The following NUP88 variants were observed in gnomAD, a reference collection of about 807,000 sequenced individuals.
NUP88 encodes the protein nuclear pore complex protein Nup88.
In NUP88, 57 loss-of-function variants were observed where a neutral mutation model predicts 93.9. The ratio of observed to expected loss-of-function variants is 0.61; its 90% CI spans 0.49 to 0.76. The LOEUF (loss-of-function observed/expected upper bound fraction) is 0.76. Among genes scored for constraint, NUP88 ranks in the 30% least tolerant of loss-of-function variants. The pLI is 0.00. For missense variants in NUP88, 911 were observed against 901.0 expected, an observed-to-expected ratio of 1.01 and a Z score of -0.14; for synonymous variants, 346 against 336.8, an observed-to-expected ratio of 1.03 and a Z score of -0.30.
intron 4 of NUP88, 47 bp downstream of exon 4, chr17:5,410,634 GTTAAAATTGCATTTATAATCCC>G: frequency 1.0e-6 from 1 of 965,252 alleles, no homozygotes; most frequent in Non-Finnish European, 1.6e-6. Context: ...CTTGCAACCT[GTTAAAATTGCATTTATAATCCC>G]AATAAGCTAA....
At chr17:5,417,365 C>G (rs12603729) in intron 1 of NUP88, among the ~76,000 whole-genome samples, 66,433 of 152,016 alleles carry the variant, frequency 0.44, 15,288 homozygotes, top group East Asian at 0.84. Flanking sequence ...TACTTCCAGG[C>G]GCTGAGGTGG....
chr17:5,408,695 T>G, intron 5 of NUP88, 38 bp downstream of exon 5: 25 of 1,513,426 alleles, frequency 1.7e-5, no homozygotes, highest in South Asian at 2.5e-5. Flanking sequence ...GAGCCCAAAC[T>G]GAGTTTTCAT....
chr17:5,398,299 GTTTGT>G (rs1188083814), intron 8 of NUP88, among the ~76,000 whole-genome samples: 4 of 144,824 alleles, frequency 2.8e-5, no homozygotes, highest in Non-Finnish European at 4.6e-5. Flanking sequence ...GTTTTTGTTT[GTTTGT>G]TTTGAGACGG....
chr17:5,409,109 C>T (rs548625861), intron 4 of NUP88, among the ~76,000 whole-genome samples, 200 bp from the exon 5 acceptor site: 1 of 152,340 alleles, frequency 6.6e-6, no homozygotes, highest in Non-Finnish European at 1.5e-5. Context: ...TGCAGTGGCT[C>T]ATGCCTGTAA....
At chr17:5,399,242 A>C (rs1375666117) in intron 8 of NUP88, among the ~76,000 whole-genome samples, 1 of 88,762 alleles carries the variant, frequency 1.1e-5, no homozygotes, top group Non-Finnish European at 2.3e-5. Flanking sequence ...TGATTGAGTC[A>C]GTTTTGGTAG....
intron 5 of NUP88, among the ~76,000 whole-genome samples, chr17:5,407,108 A>T (rs981794647): frequency 3.3e-5 from 5 of 152,134 alleles, no homozygotes; most frequent in African/African-American, 7.2e-5. Context: ...GGCAGAGAAC[A>T]TTTCTGCCAA....
intron 3 of NUP88, 55 bp from the exon 4 acceptor site, chr17:5,410,844 A>G: frequency 1.8e-6 from 2 of 1,096,926 alleles, no homozygotes; most frequent in Non-Finnish European, 2.8e-6. Context: ...TCATTTCCCA[A>G]AACTGCACTT....
rs781230715 is a variant in NUP88, at chr17:5,404,222, T to C, written c.1069A>G (p.Ile357Val). The C allele has an allele frequency of 3.8e-5, 61 of 1,613,392 alleles. 1 individual carries two copies. The South Asian group carries it at 6.4e-4, about 17-fold the overall frequency. ...ACATACAGAGAAGGAATGAGGTCAATCCTGGAATCCCAGGACTTTTCTGAC... is the reference window on the plus strand; with the variant it reads ...ACATACAGAGAAGGAATGAGGTCAACCCTGGAATCCCAGGACTTTTCTGAC... ...HTSEKSWDSR[I>V]DLIPSLYVFE... is the part of the protein sequence containing the mutation. The change falls in exon 7 of 17, where the codon ATT becomes GTT. Residue 357 changes from isoleucine (I) to valine (V), a missense_variant. Coordinates refer to ENST00000573584, the MANE Select transcript of NUP88 (RefSeq NM_002532.6).
rs1259893028 is a variant in NUP88 at position 5,413,951 on chromosome 17, CAAACAG to C, written c.593+52_593+57del. The C allele has an allele frequency of 1.9e-6, 3 of 1,587,960 alleles. No homozygotes were observed. In the East Asian group the frequency reaches 6.8e-5, roughly 36 times the overall value. ...CGTTCTATGTTGAGCTGTTAATTGG[CAAACAG>C]AAACAGAGCTTTCCCACTCGCAAGG... On this transcript the variant is annotated intron_variant, in intron 3 of 16. Coordinates refer to ENST00000573584, the MANE Select transcript of NUP88 (RefSeq NM_002532.6).
intron 8 of NUP88, among the ~76,000 whole-genome samples, chr17:5,396,410 TTC>T (rs1351123588): frequency 6.6e-6 from 1 of 152,268 alleles, no homozygotes; most frequent in African/African-American, 2.4e-5. Context: ...TGTAACTGGC[TTC>T]TTTCACTTAG....
chr17:5,419,628 A>C lies in NUP88; in HGVS notation c.23T>G (p.Val8Gly), dbSNP rs1435968719. 2 of 1,593,808 alleles carry C rather than the reference A, an allele frequency of 1.3e-6. No homozygotes were observed. The highest frequency in any genetic ancestry group is 1.7e-4 in the Middle Eastern group (1 of 5,876). ...GGTCTGCCACAGCTCGCCGTCGCCC[A>C]CCGGTCCCTCGGCGGCCGCCATCTT... MAAAEGP[V>G]GDGELWQTWL... Residue 8 changes from valine to glycine, a missense_variant, in exon 1 of 17, where the codon GTG becomes GGG. By Grantham distance (109) the Val-to-Gly change is moderately radical (BLOSUM62 -3). Transcript: ENST00000573584.
rs1160240430 is a variant in NUP88, at chr17:5,386,189, G to A, written c.*17C>T. The A allele has an allele frequency of 6.2e-7, 1 of 1,604,366 alleles. No individual in the cohort carries two copies. Among genetic ancestry groups the A allele is most frequent in the Non-Finnish European group, 8.5e-7 (1 of 1,172,784 alleles). The stretch of plus-strand genomic sequence containing the variant: ...TCAATGGTGTTCAGTTCAGGTGTGA[G>A]TCAGCTCCTGGTGGTGTCAGAAGTT... On this transcript the variant is annotated 3_prime_UTR_variant, in exon 17 of 17. Transcript: ENST00000573584.
chr17:5,416,162 A>T (rs1484069624), intron 2 of NUP88, among the ~76,000 whole-genome samples: 10,443 of 76,138 alleles, frequency 0.14, 618 homozygotes, highest in East Asian at 0.48. Flanking sequence ...AAAAAAAAAA[A>T]AAAAGTATAT....
Position 5,386,270 on chromosome 17 carries a change from CTGTAAAAT to C in NUP88, c.2163-9_2163-2del. 2 of 1,604,878 alleles carry C rather than the reference CTGTAAAAT, an allele frequency of 1.2e-6. No homozygotes were observed. The highest frequency in any genetic ancestry group is 1.7e-6 in the Non-Finnish European group (2 of 1,176,198). On this transcript the variant is annotated splice_acceptor_variant and splice_polypyrimidine_tract_variant and intron_variant, in intron 16 of 16. Transcript: ENST00000573584. LOFTEE classifies it high-confidence loss of function. The stretch of plus-strand genomic sequence containing the variant: ...CACCATTTCCCTTATATGTTCACCC[CTGTAAAAT>C]TGTAAAGTCACTCACTTTTGGAATT...
intron 7 of NUP88, among the ~76,000 whole-genome samples, chr17:5,402,916 C>G (rs1408003278): frequency 6.6e-6 from 1 of 152,060 alleles, no homozygotes; most frequent in Non-Finnish European, 1.5e-5. Context: ...ATTGCTTGAG[C>G]CTGGGAGGCA....
At chr17:5,395,070 G>A (rs1404429129) in intron 8 of NUP88, 89 bp from the exon 9 acceptor site, 11 of 815,102 alleles carry the variant, frequency 1.3e-5, no homozygotes, top group South Asian at 3.0e-5. Flanking sequence ...ATGCAGTGAG[G>A]TTCTTGTCTG....
intron 3 of NUP88, among the ~76,000 whole-genome samples, chr17:5,411,792 T>C (rs932059297): frequency 6.6e-6 from 1 of 152,218 alleles, no homozygotes; most frequent in Non-Finnish European, 1.5e-5. Context: ...TCACTTATTT[T>C]GTCTGACGCC....
intron 5 of NUP88, among the ~76,000 whole-genome samples, chr17:5,408,347 T>C (rs1205472724): frequency 1.3e-5 from 2 of 152,192 alleles, no homozygotes; most frequent in Non-Finnish European, 1.5e-5. Flanking sequence ...GTACCAATAC[T>C]GTGGTATGGA....
chr17:5,391,674 C>G lies in NUP88; in HGVS notation c.1383-12G>C. The G allele has an allele frequency of 5.6e-6, 9 of 1,603,982 alleles. No homozygotes were observed. The highest frequency in any genetic ancestry group is 6.8e-6 in the Non-Finnish European group (8 of 1,171,720). The stretch of plus-strand genomic sequence containing the variant: ...TTGGAGCTGGCTGCCTGGAAAAACA[C>G]AGTCATAGTTAAATTACAAAGCAGC... On this transcript the variant is annotated splice_polypyrimidine_tract_variant and intron_variant, in intron 9 of 16. Coordinates refer to ENST00000573584, the MANE Select transcript of NUP88 (RefSeq NM_002532.6).
Sources: gnomAD v4.1 joint callset for allele counts (sites outside exome capture counted in the v4.1 genomes callset) on GRCh38, gnomAD v4.1.1 for gene constraint, MANE v1.5 for transcripts, NCBI Gene and HGNC (gene_info 2026-07-23, HGNC 2026-07-21) for gene names.